Variants in UNC79 observed in about 807,000 individuals in gnomAD.
The protein encoded by UNC79 is unc-79 subunit of NALCN channel complex, also known as protein unc-79 homolog.
UNC79 carries 37 observed loss-of-function variants against 283.1 expected under a neutral mutation model. That is an observed-to-expected ratio of 0.13 (90% confidence interval 0.10 to 0.17). The LOEUF is 0.17. Ranked by LOEUF, UNC79 falls within the 10% of genes least tolerant of loss-of-function variation. UNC79 has a pLI of 1.00. For synonymous variants in UNC79, 1,107 were observed against 1,200.2 expected (o/e 0.92, Z 1.61); for missense variants, 2,272 against 3,211.1 (o/e 0.71, Z 7.07).
chr14:93,559,918 G>C (rs1182977220), intron 14 of UNC79, among the ~76,000 whole-genome samples: 1 of 151,972 alleles, frequency 6.6e-6, no homozygotes, highest in Non-Finnish European at 1.5e-5. Flanking sequence ...TTTTTGGGGG[G>C]TGGCATGGAG....
chr14:93,582,218 C>A (rs1389513085), exon 20 of UNC79: 4 of 1,614,152 alleles, frequency 2.5e-6, no homozygotes. Context: ...CACAGACAGC[C>A]TGGAGGATAG....
chr14:93,622,394 A>G (rs768162453), exon 30 of UNC79: 3 of 1,614,000 alleles, frequency 1.9e-6, no homozygotes, highest in South Asian at 1.1e-5. Flanking sequence ...GGAAGACCCT[A>G]TGGACGCCGA....
At chr14:93,335,860 C>T (rs1001673196) in intron 1 of UNC79, among the ~76,000 whole-genome samples, 1 of 152,202 alleles carries the variant, frequency 6.6e-6, no homozygotes, top group African/African-American at 2.4e-5. Context: ...GCCCTAACAC[C>T]TCTTTTTATC....
chr14:93,438,021 T>G (rs2056153421), intron 1 of UNC79, among the ~76,000 whole-genome samples: 2 of 152,334 alleles, frequency 1.3e-5, no homozygotes, highest in South Asian at 4.1e-4. Context: ...CTTATTAATG[T>G]TATTTCATTG....
At chr14:93,436,484 GT>G (rs774489620) in intron 1 of UNC79, among the ~76,000 whole-genome samples, 9 of 146,942 alleles carry the variant, frequency 6.1e-5, no homozygotes, top group South Asian at 4.3e-4. Flanking sequence ...ACAGCCAACT[GT>G]TTTTTTTTTA....
intron 1 of UNC79, among the ~76,000 whole-genome samples, chr14:93,365,369 A>T (rs1490868155): frequency 7.8e-6 from 1 of 128,158 alleles, no homozygotes; most frequent in African/African-American, 3.0e-5. Flanking sequence ...TGGGTGACAC[A>T]GTGATACTCC....
chr14:93,598,741 C>T (rs1313370778), intron 24 of UNC79, among the ~76,000 whole-genome samples: 2 of 152,060 alleles, frequency 1.3e-5, no homozygotes, highest in South Asian at 2.1e-4. Flanking sequence ...AGGCTGGTCT[C>T]GAACCCCTGG....
intron 1 of UNC79, among the ~76,000 whole-genome samples, chr14:93,335,376 C>T (rs1308337747): frequency 2.6e-5 from 4 of 152,214 alleles, no homozygotes; most frequent in African/African-American, 9.6e-5. Context: ...TTAAAGTATC[C>T]AGTACCATGT....
chr14:93,660,697 C>T (rs2071504894), intron 39 of UNC79, among the ~76,000 whole-genome samples: 1 of 151,394 alleles, frequency 6.6e-6, no homozygotes, highest in Admixed American at 6.6e-5. Flanking sequence ...TCAAACAATT[C>T]TCCCTGCCTC....
intron 1 of UNC79, among the ~76,000 whole-genome samples, chr14:93,437,099 A>T (rs2056113042): frequency 6.6e-6 from 1 of 152,176 alleles, no homozygotes. Flanking sequence ...GCATGTGTAT[A>T]TACATATACA....
chr14:93,590,471 G>T lies in UNC79; in HGVS notation c.3033-3209G>T, dbSNP rs527766620. Among the ~76,000 whole-genome samples, 294 of 152,276 alleles carry T rather than the reference G, an allele frequency of 1.9e-3. 1 individual carries two copies. The highest frequency in any genetic ancestry group is 2.3e-3 in the Non-Finnish European group (157 of 68,030). Reference sequence around the variant, plus strand: ...TGGACGAAAGGAGTGAGGGAAAAGGGTCGAGAGTTAGGCAGACGCTCCATG... The same window carrying T: ...TGGACGAAAGGAGTGAGGGAAAAGGTTCGAGAGTTAGGCAGACGCTCCATG... On this transcript the variant is annotated intron_variant, in intron 22 of 48. Transcript: ENST00000555664.
intron 34 of UNC79, among the ~76,000 whole-genome samples, chr14:93,644,747 G>A (rs916369779): frequency 6.6e-6 from 1 of 152,140 alleles, no homozygotes; most frequent in African/African-American, 2.4e-5. Flanking sequence ...ATGAAAAAAT[G>A]TTGACTTCAA....
chr14:93,612,073 G>A (rs1272863398), intron 26 of UNC79, among the ~76,000 whole-genome samples: 1 of 152,114 alleles, frequency 6.6e-6, no homozygotes, highest in Non-Finnish European at 1.5e-5. Context: ...CAAGGGCGAA[G>A]GTATTTTTTC....
intron 3 of UNC79, among the ~76,000 whole-genome samples, chr14:93,476,138 C>G (rs952818466): frequency 6.6e-6 from 1 of 152,092 alleles, no homozygotes; most frequent in African/African-American, 2.4e-5. Context: ...GAATTTTTAG[C>G]AAGATCCTTG....
Position 93,333,232 on chromosome 14 carries a change from G to T in UNC79, c.-642G>T, listed in dbSNP as rs1291478603. ...TGCGCGCGCATTATTTTTGCTCGTC[G>T]GCTGGGAGCCGGGCGTCGGGTCGCT... On this transcript the variant is annotated 5_prime_UTR_variant, in exon 1 of 50. Coordinates refer to the UNC79 transcript ENST00000256339. The T allele has an allele frequency of 2.1e-4, 76 of 366,152 alleles. 1 individual carries two copies. The East Asian group carries it at 2.9e-3, about 14-fold the overall frequency. 22.7% of individuals were successfully genotyped at this position (366,152 alleles called of 1,614,324 possible).
chr14:93,414,545 T>G (rs2055410828), intron 1 of UNC79, among the ~76,000 whole-genome samples: 1 of 152,156 alleles, frequency 6.6e-6, no homozygotes, highest in African/African-American at 2.4e-5. Context: ...TTAAAGTGGT[T>G]TTTTTCCAAT....
In UNC79 at chr14:93,490,467, C is replaced by T. The variant is rs547807124; in HGVS notation, c.712+2712C>T. ...AGTCAGAAGAAATCCAGCTGGGCCT[C>T]TCTTTCAACACTTTGCTAAGAAATT... is the stretch of plus-strand genomic sequence containing the variant. On this transcript the variant is annotated intron_variant, in intron 5 of 48. Coordinates refer to ENST00000555664, the Ensembl canonical transcript of UNC79. 2.0e-5 allele frequency among the ~76,000 whole-genome samples: 3 copies of T among 152,294 alleles called. No individual in the cohort carries two copies. The South Asian group carries it at 6.2e-4, about 32-fold the overall frequency.
chr14:93,675,255 C>T lies in UNC79; in HGVS notation c.6741+1800C>T, dbSNP rs536112970. On this transcript the variant is annotated intron_variant, in intron 41 of 48. Transcript: ENST00000555664. ...ATATCCTGATAATGTGCCAATTACTCTCCTGAAAGTCTAGACAGTGTATAA... is the reference window on the plus strand; with the variant it reads ...ATATCCTGATAATGTGCCAATTACTTTCCTGAAAGTCTAGACAGTGTATAA... Among the ~76,000 whole-genome samples the T allele has an allele frequency of 6.6e-5, 10 of 152,262 alleles. No homozygotes were observed. The South Asian group carries it at 2.1e-3, about 32-fold the overall frequency.
intron 5 of UNC79, among the ~76,000 whole-genome samples, chr14:93,492,916 G>A (rs914541797): frequency 6.6e-6 from 1 of 152,156 alleles, no homozygotes; most frequent in Non-Finnish European, 1.5e-5. Context: ...ACCATGTACT[G>A]GGCACTGGGG....
Sources: allele counts gnomAD v4.1 joint callset (sites outside exome capture counted in the v4.1 genomes callset), GRCh38; gene constraint gnomAD v4.1.1; transcripts MANE v1.5; gene names NCBI Gene and HGNC (gene_info 2026-07-23, HGNC 2026-07-21).